PPARGC1A: variants seen among roughly 807,000 people sequenced by gnomAD.
PPARGC1A encodes PPARG coactivator 1 alpha, also known as peroxisome proliferator-activated receptor gamma coactivator 1-alpha.
PPARGC1A carries 25 observed loss-of-function variants against 88.7 expected under a neutral mutation model. That is an observed-to-expected ratio of 0.28 (90% CI 0.21 to 0.39). PPARGC1A has a LOEUF of 0.39. PPARGC1A is among the 10% of genes least tolerant of loss of function. The pLI is 1.00. For synonymous variants in PPARGC1A, 363 were observed against 355.6 expected, an observed-to-expected ratio of 1.02 and a Z score of -0.24; for missense variants, 880 against 968.7, an observed-to-expected ratio of 0.91 and a Z score of 1.22.
At chr4:23,894,443 A>G (rs1018990615), upstream of PPARGC1A, among the ~76,000 whole-genome samples, 5 of 152,166 alleles carry the variant, frequency 3.3e-5, no homozygotes, top group South Asian at 2.1e-4. Flanking sequence ...ATACTATAAA[A>G]TTAAACCTCA....
the PPARGC1A span, among the ~76,000 whole-genome samples, chr4:24,471,907 C>T: frequency 6.6e-6 from 1 of 152,180 alleles, no homozygotes; most frequent in South Asian, 2.1e-4. This position sits in a 1 kb window ranked among gnomAD's most constrained non-coding sequence, Gnocchi z 5.4. Context: ...GGCTCGGGCC[C>T]CGAGGGGAGT....
At chr4:23,945,433 A>G in the PPARGC1A span, among the ~76,000 whole-genome samples, 1 of 152,152 alleles carries the variant, frequency 6.6e-6, no homozygotes, top group Admixed American at 6.5e-5. Flanking sequence ...GAGACAAGGG[A>G]AAAAAACCAG....
chr4:24,405,310 AT>A, the PPARGC1A span, among the ~76,000 whole-genome samples: 1 of 152,222 alleles, frequency 6.6e-6, no homozygotes, highest in African/African-American at 2.4e-5. Context: ...AAGAAAAAGT[AT>A]TTTCCCCTCC....
the PPARGC1A span, among the ~76,000 whole-genome samples, chr4:24,104,362 G>A: frequency 1.2e-4 from 19 of 152,176 alleles, no homozygotes; most frequent in Non-Finnish European, 8.8e-5. Flanking sequence ...AATAGGCTGT[G>A]TGGAAAATTC....
the PPARGC1A span, among the ~76,000 whole-genome samples, chr4:24,060,823 T>C: frequency 6.6e-6 from 1 of 152,174 alleles, no homozygotes; most frequent in Non-Finnish European, 1.5e-5. Flanking sequence ...AAATAGCCTT[T>C]AATGAGGGCT....
chr4:24,034,926 TGACATG>T, the PPARGC1A span, among the ~76,000 whole-genome samples: 28,647 of 151,950 alleles, frequency 0.19, 3,048 homozygotes, highest in Admixed American at 0.34. Context: ...TTGAAGACAA[TGACATG>T]GAGCACTGAG....
the PPARGC1A span, among the ~76,000 whole-genome samples, chr4:24,029,870 G>A: frequency 6.6e-6 from 1 of 152,142 alleles, no homozygotes; most frequent in Non-Finnish European, 1.5e-5. Flanking sequence ...GAAAACCTGA[G>A]GAAAATGCCC....
chr4:24,302,459 T>A, the PPARGC1A span, among the ~76,000 whole-genome samples: 3 of 152,206 alleles, frequency 2.0e-5, no homozygotes, highest in African/African-American at 7.2e-5. Flanking sequence ...CGCAGGCCAC[T>A]GTGACTACTT....
At chr4:24,164,773 C>T in the PPARGC1A span, among the ~76,000 whole-genome samples, 8 of 152,090 alleles carry the variant, frequency 5.3e-5, no homozygotes, top group Non-Finnish European at 7.3e-5. Context: ...TTGCTTTGTT[C>T]CTGGTGCACA....
the PPARGC1A span, among the ~76,000 whole-genome samples, chr4:24,392,759 T>C: frequency 1.3e-5 from 2 of 152,070 alleles, no homozygotes; most frequent in African/African-American, 4.8e-5. Context: ...AGAAACAGCA[T>C]CTATCTTTGG....
At chr4:23,949,230 T>C in the PPARGC1A span, among the ~76,000 whole-genome samples, 1 of 152,166 alleles carries the variant, frequency 6.6e-6, no homozygotes, top group Admixed American at 6.6e-5. Flanking sequence ...ATTACCTTCC[T>C]GCAAAACATG....
At chr4:24,468,095 T>C in the PPARGC1A span, among the ~76,000 whole-genome samples, 1 of 152,166 alleles carries the variant, frequency 6.6e-6, no homozygotes, top group East Asian at 1.9e-4. Context: ...CATACAGACC[T>C]GGCCTGCTTC....
chr4:24,078,033 C>G, the PPARGC1A span, among the ~76,000 whole-genome samples: 1 of 151,958 alleles, frequency 6.6e-6, no homozygotes, highest in Non-Finnish European at 1.5e-5. Flanking sequence ...GTGCAATATA[C>G]TCTCTTACCT....
chr4:24,100,737 CT>C, the PPARGC1A span, among the ~76,000 whole-genome samples: 2 of 152,150 alleles, frequency 1.3e-5, no homozygotes, highest in African/African-American at 4.8e-5. Context: ...TATCAAGGGT[CT>C]GGCATAAAAC....
At chr4:23,983,344 G>A in the PPARGC1A span, among the ~76,000 whole-genome samples, 1 of 152,106 alleles carries the variant, frequency 6.6e-6, no homozygotes, top group Non-Finnish European at 1.5e-5. Flanking sequence ...GAAGGACATC[G>A]TGAGACAAAA....
the PPARGC1A span, among the ~76,000 whole-genome samples, chr4:24,132,868 T>C: frequency 6.6e-6 from 1 of 152,098 alleles, no homozygotes; most frequent in Non-Finnish European, 1.5e-5. Context: ...GGCATTGCTC[T>C]GTGATAGCTA....
chr4:24,087,193 C>T, the PPARGC1A span, among the ~76,000 whole-genome samples: 3 of 152,330 alleles, frequency 2.0e-5, no homozygotes, highest in East Asian at 5.8e-4. Context: ...TTGCTCCTCA[C>T]TAGCCAGCGC....
chr4:23,974,785 A>AC, the PPARGC1A span, among the ~76,000 whole-genome samples: 1 of 115,662 alleles, frequency 8.6e-6, no homozygotes, highest in African/African-American at 3.0e-5. Context: ...GGAACCAGCC[A>AC]CCAGGCCCGG....
At chr4:23,942,729 T>G in the PPARGC1A span, among the ~76,000 whole-genome samples, 2 of 152,308 alleles carry the variant, frequency 1.3e-5, no homozygotes, top group South Asian at 2.1e-4. Context: ...ATCTGTGAAC[T>G]CACAAAGGCA....
Sources: allele counts gnomAD v4.1 joint callset (sites outside exome capture counted in the v4.1 genomes callset), GRCh38; gene constraint gnomAD v4.1.1; non-coding constraint Gnocchi (gnomAD v3.1); transcripts MANE v1.5; gene names NCBI Gene and HGNC (gene_info 2026-07-23, HGNC 2026-07-21).